Variants in GRIK4 observed in about 807,000 individuals in gnomAD.
The protein encoded by GRIK4 is glutamate receptor ionotropic, kainate 4.
GRIK4 carries 40 observed loss-of-function variants against 104.9 expected under a neutral mutation model. The ratio of observed to expected loss-of-function variants is 0.38; its 90% confidence interval spans 0.30 to 0.50. The LOEUF (loss-of-function observed/expected upper bound fraction) is 0.50. Among genes scored for constraint, GRIK4 ranks in the 20% least tolerant of loss-of-function variants. The pLI is 0.93. For synonymous variants in GRIK4, 485 were observed against 524.9 expected, an observed-to-expected ratio of 0.92 and a Z score of 1.04; for missense variants, 1,047 against 1,308.1, an observed-to-expected ratio of 0.80 and a Z score of 3.08.
chr11:120,656,764 G>A (rs1056758232), intron 2 of GRIK4, among the ~76,000 whole-genome samples: 5 of 152,208 alleles, frequency 3.3e-5, no homozygotes, highest in Admixed American at 6.5e-5. Context: ...TGAGGCAGGA[G>A]AATTGTTTGA....
At chr11:120,689,586 G>A (rs1288306455) in intron 3 of GRIK4, among the ~76,000 whole-genome samples, 3 of 151,808 alleles carry the variant, frequency 2.0e-5, no homozygotes, top group Non-Finnish European at 1.5e-5. Context: ...TGGCTTTCTT[G>A]GTGGTGTTCC....
chr11:120,871,889 G>A, intron 9 of GRIK4: 1 of 456,284 alleles, frequency 2.2e-6, no homozygotes, highest in Non-Finnish European at 4.4e-6. Context: ...GACAAACTTT[G>A]TTGACTGTTT....
chr11:120,526,123 G>A (rs979091040), intron 1 of GRIK4, among the ~76,000 whole-genome samples: 1 of 152,232 alleles, frequency 6.6e-6, no homozygotes, highest in African/African-American at 2.4e-5. Context: ...AGGGCCTCTA[G>A]AATACTGATA....
intron 1 of GRIK4, among the ~76,000 whole-genome samples, chr11:120,529,882 T>C (rs1402407888): frequency 1.3e-5 from 2 of 152,232 alleles, no homozygotes; most frequent in Non-Finnish European, 2.9e-5. Context: ...GTTTTATAGA[T>C]GAGGAGACAG....
chr11:120,676,290 C>G (rs1950098219), intron 3 of GRIK4, among the ~76,000 whole-genome samples: 1 of 152,168 alleles, frequency 6.6e-6, no homozygotes, highest in African/African-American at 2.4e-5. Flanking sequence ...CCAGGATAAG[C>G]CAGGATCATC....
chr11:120,905,446 G>T lies in GRIK4; in HGVS notation c.1429G>T (p.Glu477Ter). 1 of 1,613,384 alleles carries T rather than the reference G, an allele frequency of 6.2e-7. No individual in the cohort carries two copies. Among genetic ancestry groups the T allele is most frequent in the Non-Finnish European group, 8.5e-7 (1 of 1,179,764 alleles). ...TGGGGATGGCGTGTACGGCGTTCCC[G>T]AGGCCAACGGCACCTGGACGGGAAT... is the stretch of plus-strand genomic sequence containing the variant. Reference protein sequence around the residue: ...LVGDGVYGVPEANGTWTGMVG... With the variant: ...LVGDGVYGVP Residue 477 changes from glutamate to a stop codon, truncating the protein, a stop_gained, in exon 13 of 21, where the codon GAG becomes TAG. Transcript: ENST00000527524. LOFTEE classifies it high-confidence loss of function. The surrounding 1 kb of genome is among the most constrained non-coding windows in gnomAD (Gnocchi z 5.1).
intron 9 of GRIK4, chr11:120,872,611 C>G (rs1351089427): frequency 2.0e-5 from 3 of 153,276 alleles, no homozygotes; most frequent in Non-Finnish European, 4.4e-5. Flanking sequence ...AGTGAAGGAA[C>G]TTGCCTTGTA....
intron 1 of GRIK4, among the ~76,000 whole-genome samples, chr11:120,581,299 C>G (rs938070205): frequency 6.6e-6 from 1 of 152,168 alleles, no homozygotes; most frequent in Admixed American, 6.5e-5. Flanking sequence ...TATGTAATTC[C>G]TTGACACAGA....
chr11:120,529,020 G>T (rs551964080), intron 1 of GRIK4, among the ~76,000 whole-genome samples: 17 of 152,158 alleles, frequency 1.1e-4, no homozygotes, highest in Admixed American at 4.6e-4. Context: ...TGTTCACTCT[G>T]CCTGCAACTC....
chr11:120,816,411 C>T (rs1457883009), intron 5 of GRIK4, among the ~76,000 whole-genome samples: 2 of 148,808 alleles, frequency 1.3e-5, no homozygotes, highest in South Asian at 2.2e-4. Flanking sequence ...TGGGTGGGGG[C>T]GGGGGCAGGG....
intron 3 of GRIK4, among the ~76,000 whole-genome samples, chr11:120,785,804 G>A (rs566592943): frequency 5.9e-5 from 9 of 152,262 alleles, no homozygotes; most frequent in East Asian, 5.8e-4. Context: ...GCATGCCTCC[G>A]CGTCTCCATG....
At chr11:120,751,024 T>G (rs1049736750) in intron 3 of GRIK4, among the ~76,000 whole-genome samples, 3 of 152,244 alleles carry the variant, frequency 2.0e-5, no homozygotes, top group Non-Finnish European at 4.4e-5. Flanking sequence ...GGAGGGTTCC[T>G]GTCTGCACAC....
chr11:120,942,785 TG>T (rs1943755778), intron 14 of GRIK4, among the ~76,000 whole-genome samples: 1 of 152,212 alleles, frequency 6.6e-6, no homozygotes, highest in Non-Finnish European at 1.5e-5. Context: ...TAGGTTATGT[TG>T]CTTAGATGCT....
chr11:120,976,383 G>T (rs554959090), intron 19 of GRIK4, among the ~76,000 whole-genome samples: 69 of 152,306 alleles, frequency 4.5e-4, no homozygotes, highest in Non-Finnish European at 6.9e-4. Context: ...GTGAATACAA[G>T]AAGAAATGGC....
chr11:120,797,893 G>A (rs1952549980), intron 3 of GRIK4, among the ~76,000 whole-genome samples: 1 of 152,138 alleles, frequency 6.6e-6, no homozygotes. Context: ...TTTTCCCTCT[G>A]TCTCAAGGTG....
intron 4 of GRIK4, among the ~76,000 whole-genome samples, chr11:120,803,918 C>G (rs1952668398): frequency 1.3e-5 from 2 of 152,204 alleles, no homozygotes; most frequent in African/African-American, 4.8e-5. Context: ...GAAACTGAGG[C>G]TCAAAGCCAT....
At chr11:120,539,065 C>A (rs1948006234) in intron 1 of GRIK4, among the ~76,000 whole-genome samples, 1 of 152,200 alleles carries the variant, frequency 6.6e-6, no homozygotes, top group Admixed American at 6.5e-5. Context: ...TGAGAGGCAC[C>A]CAGCCGAGAC....
At chr11:120,587,491 A>G (rs1794954115) in intron 1 of GRIK4, among the ~76,000 whole-genome samples, 1 of 152,212 alleles carries the variant, frequency 6.6e-6, no homozygotes, top group Non-Finnish European at 1.5e-5. Context: ...GGATAATGGT[A>G]TGTAATGACA....
intron 3 of GRIK4, among the ~76,000 whole-genome samples, chr11:120,736,226 T>TCTGG (rs1204355797): frequency 6.6e-6 from 1 of 152,112 alleles, no homozygotes; most frequent in Non-Finnish European, 1.5e-5. Flanking sequence ...TCTAGAAATA[T>TCTGG]CTGGGAGCCA....
Sources: allele counts gnomAD v4.1 joint callset (sites outside exome capture counted in the v4.1 genomes callset), GRCh38; gene constraint gnomAD v4.1.1; non-coding constraint Gnocchi (gnomAD v3.1); transcripts MANE v1.5; gene names NCBI Gene and HGNC (gene_info 2026-07-23, HGNC 2026-07-21).